Variants in MTBP observed in about 807,000 individuals in gnomAD.
MTBP encodes MDM2 binding protein.
MTBP carries 101 observed loss-of-function variants against 117.0 expected under a neutral mutation model. The observed-to-expected ratio is 0.86, with a 90% confidence interval of 0.73 to 1.02. MTBP has a LOEUF of 1.02. Ranked by LOEUF, MTBP falls within the 50% of genes least tolerant of loss-of-function variation. The pLI is 0.00. For missense variants in MTBP, 970 were observed against 1,030.9 expected, an observed-to-expected ratio of 0.94 and a Z score of 0.81; for synonymous variants, 350 against 351.5, an observed-to-expected ratio of 1.00 and a Z score of 0.05.
chr8:120,520,199 A>C (rs1814989778), intron 20 of MTBP, among the ~76,000 whole-genome samples: 1 of 152,170 alleles, frequency 6.6e-6, no homozygotes, highest in African/African-American at 2.4e-5. Flanking sequence ...AAAACTTCAT[A>C]AAAACTATAA....
At chr8:120,466,324 G>A (rs1201051022) in intron 10 of MTBP, among the ~76,000 whole-genome samples, 1 of 149,742 alleles carries the variant, frequency 6.7e-6, no homozygotes, top group Admixed American at 6.7e-5. Context: ...CAATTCTCCC[G>A]GCTCAGCCAC....
At chr8:120,510,629 C>T (rs971006085) in intron 17 of MTBP, among the ~76,000 whole-genome samples, 5 of 152,140 alleles carry the variant, frequency 3.3e-5, no homozygotes, top group East Asian at 1.9e-4. Context: ...AGGCCAGACA[C>T]GGTGGCTAAC....
chr8:120,460,571 T>C (rs1357601280), intron 8 of MTBP, among the ~76,000 whole-genome samples: 1 of 152,202 alleles, frequency 6.6e-6, no homozygotes, highest in Non-Finnish European at 1.5e-5. Flanking sequence ...CAAACTCTAA[T>C]TTGGTTTTAG....
chr8:120,471,696 C>A (rs187611733), intron 11 of MTBP: 1 of 151,898 alleles, frequency 6.6e-6, no homozygotes, highest in Non-Finnish European at 1.5e-5. Context: ...TTGTAATAAC[C>A]CCATATACTT....
At chr8:120,481,896 C>G (rs779648956) in intron 11 of MTBP, among the ~76,000 whole-genome samples, 3 of 152,034 alleles carry the variant, frequency 2.0e-5, no homozygotes, top group Non-Finnish European at 4.4e-5. Context: ...TTTAATGATT[C>G]TTAACACCAG....
At chr8:120,477,568 C>T (rs575791431) in intron 11 of MTBP, among the ~76,000 whole-genome samples, 6 of 152,130 alleles carry the variant, frequency 3.9e-5, no homozygotes, top group Non-Finnish European at 8.8e-5. Flanking sequence ...AAAAAGCAAA[C>T]AACCCCATCA....
At chr8:120,523,182 T>C (rs1815033930) in intron 21 of MTBP, 116 bp from the exon 22 acceptor site, 2 of 712,178 alleles carry the variant, frequency 2.8e-6, no homozygotes, top group Non-Finnish European at 4.8e-6. Flanking sequence ...GATTTCAGTA[T>C]CTTCCTTTTT....
chr8:120,475,779 T>C (rs1261093056), intron 11 of MTBP, among the ~76,000 whole-genome samples: 1 of 152,034 alleles, frequency 6.6e-6, no homozygotes, highest in African/African-American at 2.4e-5. Context: ...TGTAAAACTT[T>C]TATTGAGAAG....
chr8:120,503,912 G>C (rs964541029), intron 15 of MTBP, among the ~76,000 whole-genome samples: 3 of 152,094 alleles, frequency 2.0e-5, no homozygotes, highest in African/African-American at 7.2e-5. Flanking sequence ...TCGAGTGAGT[G>C]GTGTTCTTCT....
chr8:120,490,373 C>T (rs1230236202), intron 12 of MTBP, 90 bp from the exon 13 acceptor site: 1 of 737,804 alleles, frequency 1.4e-6, no homozygotes, highest in African/African-American at 1.8e-5. Flanking sequence ...TTTGTTAAAT[C>T]CTTGCTATAA....
At chr8:120,491,984 GGA>G (rs939583567) in intron 13 of MTBP, among the ~76,000 whole-genome samples, 4 of 151,984 alleles carry the variant, frequency 2.6e-5, no homozygotes, top group African/African-American at 9.7e-5. Context: ...TGAGAGGGCA[GGA>G]GAGAGTACAG....
intron 17 of MTBP, among the ~76,000 whole-genome samples, chr8:120,513,552 A>G (rs12550724): frequency 0.55 from 83,199 of 151,828 alleles, 25,266 homozygotes; most frequent in Non-Finnish European, 0.67. Context: ...TTTAAATGGC[A>G]ATTAACATCA....
At chr8:120,479,890 A>G (rs1271030328) in intron 11 of MTBP, among the ~76,000 whole-genome samples, 2 of 152,234 alleles carry the variant, frequency 1.3e-5, no homozygotes, top group Non-Finnish European at 2.9e-5. Flanking sequence ...AAGATCAAGA[A>G]TCAATAATTT....
intron 13 of MTBP, chr8:120,490,782 A>G (rs911955767): frequency 4.2e-5 from 15 of 355,586 alleles, no homozygotes; most frequent in African/African-American, 2.4e-4. Flanking sequence ...CACTGTTAAC[A>G]TTTGTAAAAG....
chr8:120,496,772 G>C (rs2130593903), intron 13 of MTBP, among the ~76,000 whole-genome samples: 1 of 151,920 alleles, frequency 6.6e-6, no homozygotes, highest in South Asian at 2.1e-4. Context: ...GCTTGCATAG[G>C]GGAAGGACCT....
At chr8:120,499,504 A>C (rs900916884) in intron 14 of MTBP, among the ~76,000 whole-genome samples, 8 of 152,296 alleles carry the variant, frequency 5.3e-5, no homozygotes, top group Middle Eastern at 3.4e-3. Flanking sequence ...ATGCATTTGA[A>C]CATGACTCCT....
At chr8:120,506,885 C>A in intron 16 of MTBP, 24 bp downstream of exon 16, 4 of 1,539,074 alleles carry the variant, frequency 2.6e-6, no homozygotes, top group Non-Finnish European at 2.6e-6. Flanking sequence ...TTATAATTTC[C>A]AGTTAACTTT....
At chr8:120,477,290 A>AT (rs1397635196) in intron 11 of MTBP, among the ~76,000 whole-genome samples, 1 of 152,226 alleles carries the variant, frequency 6.6e-6, no homozygotes, top group African/African-American at 2.4e-5. Flanking sequence ...ACCTAAAACC[A>AT]TAAAAACCCT....
intron 13 of MTBP, among the ~76,000 whole-genome samples, chr8:120,491,981 G>A (rs958910093): frequency 1.3e-5 from 2 of 152,102 alleles, no homozygotes; most frequent in African/African-American, 4.8e-5. Flanking sequence ...TGGTGAGAGG[G>A]CAGGAGAGAG....
Sources: allele counts gnomAD v4.1 joint callset (sites outside exome capture counted in the v4.1 genomes callset), GRCh38; gene constraint gnomAD v4.1.1; transcripts MANE v1.5; gene names NCBI Gene and HGNC (gene_info 2026-07-23, HGNC 2026-07-21).